SLC9A9: variants seen among roughly 807,000 people sequenced by gnomAD.
SLC9A9 encodes the protein solute carrier family 9 member A9, also known as sodium/hydrogen exchanger 9.
A neutral mutation model predicts 77.8 loss-of-function variants in SLC9A9; 62 were observed. That is an observed-to-expected ratio of 0.80 (90% CI 0.65 to 0.98). The LOEUF is 0.98. Among genes scored for constraint, SLC9A9 ranks in the 50% least tolerant of loss-of-function variants. SLC9A9 has a pLI of 0.00. For synonymous variants in SLC9A9, 320 were observed against 283.5 expected, an observed-to-expected ratio of 1.13 and a Z score of -1.29; for missense variants, 775 against 774.9, an observed-to-expected ratio of 1.00 and a Z score of 0.00.
At chr3:143,765,031 C>G (rs148362408) in intron 4 of SLC9A9, among the ~76,000 whole-genome samples, 2,767 of 147,714 alleles carry the variant, frequency 0.019, 99 homozygotes, top group African/African-American at 0.066. Flanking sequence ...CTTTCTTTCT[C>G]TCTTTCTCTT....
intron 1 of SLC9A9, among the ~76,000 whole-genome samples, chr3:143,840,652 T>C (rs2009683725): frequency 6.6e-6 from 1 of 152,214 alleles, no homozygotes; most frequent in South Asian, 2.1e-4. Context: ...GGCTTTTTGC[T>C]ATAGACAGTG....
intron 11 of SLC9A9, among the ~76,000 whole-genome samples, chr3:143,478,468 T>G (rs1338128352): frequency 6.6e-6 from 1 of 152,162 alleles, no homozygotes; most frequent in Admixed American, 6.5e-5. Flanking sequence ...AGCAGGAGGC[T>G]GGGAGGTGGG....
At chr3:143,449,920 A>T (rs1434326281) in intron 12 of SLC9A9, among the ~76,000 whole-genome samples, 1 of 96,038 alleles carries the variant, frequency 1.0e-5, no homozygotes, top group Non-Finnish European at 1.8e-5. Context: ...AATATTACAT[A>T]ATATATATTA....
chr3:143,625,684 C>A (rs2038309722), intron 6 of SLC9A9, among the ~76,000 whole-genome samples: 1 of 152,194 alleles, frequency 6.6e-6, no homozygotes, highest in East Asian at 1.9e-4. Context: ...CTAGGCAATA[C>A]CATTCAGGAC....
chr3:143,756,133 G>T (rs548611766), intron 4 of SLC9A9, among the ~76,000 whole-genome samples: 8 of 152,116 alleles, frequency 5.3e-5, no homozygotes, highest in Non-Finnish European at 1.2e-4. Context: ...GTACCCACAC[G>T]ATGTCAAACA....
chr3:143,675,303 C>T (rs185369576), intron 5 of SLC9A9, among the ~76,000 whole-genome samples: 1 of 152,326 alleles, frequency 6.6e-6, no homozygotes, highest in East Asian at 1.9e-4. Flanking sequence ...TGCTATGACA[C>T]TTGTCAAGTG....
At chr3:143,732,748 G>A (rs1934838767) in intron 4 of SLC9A9, among the ~76,000 whole-genome samples, 2 of 152,188 alleles carry the variant, frequency 1.3e-5, no homozygotes, top group South Asian at 4.1e-4. Context: ...GCACTGTGGA[G>A]CTATCTTTTA....
At chr3:143,415,954 T>C (rs781354502) in intron 12 of SLC9A9, among the ~76,000 whole-genome samples, 4 of 152,134 alleles carry the variant, frequency 2.6e-5, no homozygotes, top group Non-Finnish European at 5.9e-5. Flanking sequence ...TCAACATTAA[T>C]AGGCATTTGG....
chr3:143,394,693 C>A (rs1341948432), intron 12 of SLC9A9, among the ~76,000 whole-genome samples: 1 of 152,118 alleles, frequency 6.6e-6, no homozygotes, highest in Non-Finnish European at 1.5e-5. Flanking sequence ...GATGGTATGT[C>A]TACAAAACCC....
At chr3:143,604,939 C>A (rs2037897931) in intron 6 of SLC9A9, among the ~76,000 whole-genome samples, 1 of 152,172 alleles carries the variant, frequency 6.6e-6, no homozygotes, top group African/African-American at 2.4e-5. Flanking sequence ...CCGGTTGAAA[C>A]AAGTTAGAGA....
At chr3:143,447,818 G>C (rs6802358) in intron 12 of SLC9A9, among the ~76,000 whole-genome samples, 1 of 151,962 alleles carries the variant, frequency 6.6e-6, no homozygotes, top group African/African-American at 2.4e-5. Context: ...TGCTTGTATC[G>C]ACCAAAAAAC....
intron 5 of SLC9A9, among the ~76,000 whole-genome samples, chr3:143,673,632 T>G (rs2039192729): frequency 6.6e-6 from 1 of 151,742 alleles, no homozygotes; most frequent in African/African-American, 2.4e-5. Context: ...ATATTGTTAA[T>G]TAATAATATT....
intron 12 of SLC9A9, among the ~76,000 whole-genome samples, chr3:143,417,541 G>A (rs2034218666): frequency 6.6e-6 from 1 of 151,182 alleles, no homozygotes; most frequent in Admixed American, 6.6e-5. Flanking sequence ...AAAAAGGGAT[G>A]GATGGAGGGA....
intron 4 of SLC9A9, among the ~76,000 whole-genome samples, chr3:143,758,145 C>G (rs983159233): frequency 6.6e-6 from 1 of 152,156 alleles, no homozygotes; most frequent in Admixed American, 6.6e-5. Flanking sequence ...ACACTCAGTT[C>G]TACATAATGA....
intron 1 of SLC9A9, among the ~76,000 whole-genome samples, chr3:143,843,556 C>G (rs185298628): frequency 3.9e-4 from 60 of 152,260 alleles, no homozygotes; most frequent in African/African-American, 1.3e-3. Context: ...GCCCACTAAA[C>G]AGTGGCCACA....
At chr3:143,838,951 G>A (rs898537593) in intron 1 of SLC9A9, among the ~76,000 whole-genome samples, 3 of 152,034 alleles carry the variant, frequency 2.0e-5, no homozygotes, top group East Asian at 1.9e-4. Context: ...TTTTATAAAA[G>A]TCTCTTTTAG....
At position 143,420,593 on chromosome 3, in the gene SLC9A9, ACAGTTT is replaced by A. The variant is rs1205937745; in HGVS notation, c.1470-38485_1470-38480del. Among the ~76,000 whole-genome samples, 3 of 152,374 alleles carry A rather than the reference ACAGTTT, an allele frequency of 2.0e-5. No homozygotes were observed. The East Asian group carries it at 5.8e-4, about 29-fold the overall frequency. On this transcript the variant is annotated intron_variant, in intron 12 of 15. Transcript: ENST00000316549. ...TGTTAGGTTGTTAACCTATACAATTACAGTTTATTATTACTATTATTATTATGTAAT... is the reference window on the plus strand; with the variant it reads ...TGTTAGGTTGTTAACCTATACAATTAATTATTACTATTATTATTATGTAAT...
chr3:143,535,730 T>C (rs1006023025), intron 9 of SLC9A9, among the ~76,000 whole-genome samples: 2 of 152,148 alleles, frequency 1.3e-5, no homozygotes, highest in African/African-American at 4.8e-5. Flanking sequence ...ATATATATAA[T>C]AATATTTTCA....
chr3:143,561,748 C>T (rs1351578986), intron 8 of SLC9A9, among the ~76,000 whole-genome samples: 1 of 152,092 alleles, frequency 6.6e-6, no homozygotes, highest in Non-Finnish European at 1.5e-5. Flanking sequence ...ACTCAATACT[C>T]TTAAGTAAAC....
Sources: allele counts gnomAD v4.1 joint callset (sites outside exome capture counted in the v4.1 genomes callset), GRCh38; gene constraint gnomAD v4.1.1; transcripts MANE v1.5; gene names NCBI Gene and HGNC (gene_info 2026-07-23, HGNC 2026-07-21).